Variants in DAAM2 observed in about 807,000 individuals in gnomAD.
The protein encoded by DAAM2 is disheveled-associated activator of morphogenesis 2.
Under a neutral mutation model 120.7 loss-of-function variants are expected in DAAM2, and 39 were observed. That is an observed-to-expected ratio of 0.32 (90% CI 0.25 to 0.42). DAAM2 has a LOEUF of 0.42. Ranked by LOEUF, DAAM2 falls within the 10% of genes least tolerant of loss-of-function variation. The pLI, the probability that DAAM2 is intolerant of heterozygous loss-of-function variation, is 1.00. For missense variants in DAAM2, 1,283 were observed against 1,401.7 expected, an observed-to-expected ratio of 0.92 and a Z score of 1.35; for synonymous variants, 488 against 524.9, an observed-to-expected ratio of 0.93 and a Z score of 0.96.
chr6:39,849,843 A>G (rs1170047267), intron 1 of DAAM2, among the ~76,000 whole-genome samples: 4 of 152,102 alleles, frequency 2.6e-5, no homozygotes, highest in Admixed American at 1.3e-4. Flanking sequence ...ACGAGATGGA[A>G]AAGCATAGAT....
chr6:39,847,833 G>C (rs1763656364), intron 1 of DAAM2, among the ~76,000 whole-genome samples: 1 of 151,980 alleles, frequency 6.6e-6, no homozygotes, highest in Non-Finnish European at 1.5e-5. Flanking sequence ...TCTAATCTCA[G>C]ACCTCACAAA....
chr6:39,794,051 C>T (rs1761627109), intron 1 of DAAM2, among the ~76,000 whole-genome samples: 1 of 152,114 alleles, frequency 6.6e-6, no homozygotes, highest in Non-Finnish European at 1.5e-5. Context: ...AATTGAACCC[C>T]AGGGAAGCTC....
intron 19 of DAAM2, among the ~76,000 whole-genome samples, chr6:39,895,335 A>T (rs931234297): frequency 6.6e-6 from 1 of 151,968 alleles, no homozygotes. Context: ...TCCTGGGTTC[A>T]AGCAATTCTC....
chr6:39,820,610 G>T (rs145650475), intron 1 of DAAM2: 8 of 152,228 alleles, frequency 5.3e-5, no homozygotes, highest in African/African-American at 1.9e-4. Context: ...ATTTTAGAAT[G>T]TGGAAAATAC....
At chr6:39,825,148 G>A (rs958996034) in intron 1 of DAAM2, among the ~76,000 whole-genome samples, 4 of 152,098 alleles carry the variant, frequency 2.6e-5, no homozygotes. Flanking sequence ...TCAGCACTTT[G>A]GGAGGCCAAG....
chr6:39,900,970 C>T (rs1055666117), intron 23 of DAAM2, among the ~76,000 whole-genome samples: 1 of 152,150 alleles, frequency 6.6e-6, no homozygotes, highest in Admixed American at 6.5e-5. Context: ...ACTAGAGGAT[C>T]TTTGAAGTTC....
chr6:39,881,078 A>G (rs1765094839), intron 14 of DAAM2, among the ~76,000 whole-genome samples: 1 of 152,266 alleles, frequency 6.6e-6, no homozygotes, highest in Non-Finnish European at 1.5e-5. Context: ...AGTTATGCAC[A>G]TCAATAATGA....
intron 1 of DAAM2, among the ~76,000 whole-genome samples, chr6:39,841,974 A>G (rs1180055827): frequency 6.6e-6 from 1 of 152,226 alleles, no homozygotes; most frequent in Non-Finnish European, 1.5e-5. Flanking sequence ...AATGAAACAA[A>G]CAAATGAAAA....
chr6:39,882,707 A>ACG (rs370509223), intron 14 of DAAM2, among the ~76,000 whole-genome samples: 2 of 21,668 alleles, frequency 9.2e-5, no homozygotes, highest in Admixed American at 4.4e-4. Context: ...GTGAGCGCAC[A>ACG]CACACACACA....
At chr6:39,851,146 A>T (rs551916608) in intron 1 of DAAM2, among the ~76,000 whole-genome samples, 100 of 152,336 alleles carry the variant, frequency 6.6e-4, no homozygotes, top group African/African-American at 2.4e-3. Flanking sequence ...CTCACAGGAA[A>T]TGCAGAATCA....
Position 39,896,932 on chromosome 6 carries a change from G to T in DAAM2, c.2462G>T (p.Arg821Leu), listed in dbSNP as rs1454510653. The change falls in exon 20 of 25, where the codon CGG (arginine) becomes CTG (leucine). Residue 821 changes from arginine (R) to leucine (L), a missense_variant. By Grantham distance (102) the Arg-to-Leu change is moderately radical (BLOSUM62 -2). Around this residue, in one of 3 missense-constraint regions of DAAM2, gnomAD observed 748 missense variants for 768.6 expected, o/e 0.97. Coordinates refer to ENST00000274867, the MANE Select transcript of DAAM2 (RefSeq NM_001201427.2). ...KGQRGGAYGF[R>L]VASLNKIADT... ...CAGCGTGGGGGCGCCTACGGGTTCC[G>T]GGTGGCCAGCCTCAACAAGATCGCT... 1.2e-6 allele frequency: 2 copies of T among 1,613,356 alleles called. No homozygotes were observed. Among genetic ancestry groups the T allele is most frequent in the Non-Finnish European group, 1.7e-6 (2 of 1,179,628 alleles).
rs1300805404 is a variant in DAAM2, at chr6:39,891,625, T to G, written c.2253-9T>G. On this transcript the variant is annotated splice_polypyrimidine_tract_variant and intron_variant, in intron 18 of 24. Transcript: ENST00000274867. ...GGATACCTCAAGATATGGTTCACCT[T>G]GTCTACAGGATTGACCACTACCAGC... is the stretch of plus-strand genomic sequence containing the variant. 1 of 1,609,870 alleles carries G rather than the reference T, an allele frequency of 6.2e-7. No individual in the cohort carries two copies. Among genetic ancestry groups the G allele is most frequent in the Non-Finnish European group, 8.5e-7 (1 of 1,177,956 alleles).
intron 15 of DAAM2, chr6:39,887,168 C>G (rs537542420): frequency 3.6e-6 from 1 of 280,764 alleles, no homozygotes; most frequent in Non-Finnish European, 6.9e-6. Flanking sequence ...TCAGTCATAC[C>G]CTGACCCACT....
chr6:39,815,711 G>A (rs116386822), intron 1 of DAAM2, among the ~76,000 whole-genome samples: 2,359 of 151,394 alleles, frequency 0.016, 24 homozygotes, highest in Middle Eastern at 0.024. Context: ...TCATGAATGC[G>A]GTGAACTTTA....
intron 5 of DAAM2, 29 bp downstream of exon 5, chr6:39,865,103 G>T: frequency 7.6e-7 from 1 of 1,317,114 alleles, no homozygotes; most frequent in Admixed American, 1.9e-5. Context: ...CTTGCTTCCT[G>T]CTGAGTCCCT....
rs528473527 is a variant in DAAM2 at position 39,856,621 on chromosome 6, G to A, written c.168+151G>A. ...TAGGCCCCCAGGACACCTCAGCTAT[G>A]TTGGGGAACCAGAGTCTCTCACTGG... On this transcript the variant is annotated intron_variant, in intron 2 of 24. Transcript: ENST00000274867. Among the ~76,000 whole-genome samples, 7 of 152,322 alleles carry A rather than the reference G, an allele frequency of 4.6e-5. No homozygotes were observed. In the South Asian group the frequency reaches 1.4e-3, roughly 32 times the overall value.
In DAAM2 at chr6:39,901,405, G is replaced by A. The variant is rs777856703; in HGVS notation, c.2915G>A (p.Arg972Gln). The A allele has an allele frequency of 9.3e-6, 15 of 1,613,570 alleles. No individual in the cohort carries two copies. Among genetic ancestry groups the A allele is most frequent in the Middle Eastern group, 1.6e-4 (1 of 6,072 alleles). ...DTFLQAFSEA[R>Q]QDLEAMRRRK... ...TTCTTGCAGGCCTTCTCAGAGGCCC[G>A]GCAGGATCTAGAGGCCATGAGGAGG... is the stretch of plus-strand genomic sequence containing the variant. Residue 972 changes from arginine to glutamine, a missense_variant, in exon 24 of 25, where the codon CGG (arginine) becomes CAG (glutamine). Physicochemically the swap from Arg to Gln is conservative, Grantham distance 43 (BLOSUM62 1). Coordinates refer to ENST00000274867, the MANE Select transcript of DAAM2 (RefSeq NM_001201427.2). The surrounding 1 kb of genome is among the most constrained non-coding windows in gnomAD (Gnocchi z 4.5).
chr6:39,887,745 CAG>C, intron 16 of DAAM2, 153 bp downstream of exon 16: 1 of 594,654 alleles, frequency 1.7e-6, no homozygotes. Flanking sequence ...CTGCCTTGAG[CAG>C]CAGTTTGGGG....
At chr6:39,794,396 G>T (rs545174226) in intron 1 of DAAM2, among the ~76,000 whole-genome samples, 53 of 152,258 alleles carry the variant, frequency 3.5e-4, no homozygotes, top group African/African-American at 1.3e-3. Flanking sequence ...GCAAACTCTG[G>T]CTCCTAACTC....
Sources: gnomAD v4.1 joint callset for allele counts (sites outside exome capture counted in the v4.1 genomes callset) on GRCh38, gnomAD v4.1.1 for gene constraint, gnomAD v4.1.1 regional missense constraint, Gnocchi (gnomAD v3.1) non-coding constraint, MANE v1.5 for transcripts, NCBI Gene and HGNC (gene_info 2026-07-23, HGNC 2026-07-21) for gene names.